ULK4: variants seen among roughly 807,000 people sequenced by gnomAD.
The protein encoded by ULK4 is unc-51 like kinase 4, also known as inactive serine/threonine-protein kinase ULK4.
Under a neutral mutation model 160.6 loss-of-function variants are expected in ULK4, and 133 were observed. That is an observed-to-expected ratio of 0.83 (90% CI 0.72 to 0.96). ULK4 has a LOEUF of 0.96. Among genes scored for constraint, ULK4 ranks in the 40% least tolerant of loss-of-function variants. The pLI, the probability that ULK4 is intolerant of heterozygous loss-of-function variation, is 0.00. For missense variants in ULK4, 1,580 were observed against 1,499.5 expected (o/e 1.05, Z -0.89); for synonymous variants, 534 against 539.8 (o/e 0.99, Z 0.15).
chr3:41,714,130 A>T (rs2037187635), intron 25 of ULK4, among the ~76,000 whole-genome samples: 1 of 152,244 alleles, frequency 6.6e-6, no homozygotes, highest in Admixed American at 6.5e-5. Context: ...AGATGGTGGT[A>T]AATAAAAATT....
At chr3:41,771,241 A>G (rs958451434) in intron 21 of ULK4, among the ~76,000 whole-genome samples, 2 of 152,200 alleles carry the variant, frequency 1.3e-5, no homozygotes, top group African/African-American at 4.8e-5. Context: ...GTAATGTTCA[A>G]AAGTTAATTA....
chr3:41,258,884 A>T (rs2078888269), intron 35 of ULK4, among the ~76,000 whole-genome samples: 1 of 151,846 alleles, frequency 6.6e-6, no homozygotes, highest in South Asian at 2.1e-4. Flanking sequence ...AAAATCATAA[A>T]ATAATTGGGA....
chr3:41,767,427 A>C (rs1250678165), intron 21 of ULK4, among the ~76,000 whole-genome samples: 1 of 152,082 alleles, frequency 6.6e-6, no homozygotes, highest in Non-Finnish European at 1.5e-5. Context: ...TGCTCCCCAC[A>C]CTTCTACTTC....
intron 32 of ULK4, among the ~76,000 whole-genome samples, chr3:41,491,466 G>A (rs2084760880): frequency 6.6e-6 from 1 of 150,890 alleles, no homozygotes; most frequent in Non-Finnish European, 1.5e-5. Flanking sequence ...AAAATGAAAG[G>A]GCAAAAGAGG....
intron 2 of ULK4, among the ~76,000 whole-genome samples, chr3:41,938,682 T>C (rs1454978811): frequency 1.3e-5 from 2 of 151,846 alleles, no homozygotes. Flanking sequence ...ACTCCATCTC[T>C]CAATAAATAA....
intron 22 of ULK4, among the ~76,000 whole-genome samples, chr3:41,727,047 A>G (rs917282257): frequency 2.6e-5 from 4 of 152,080 alleles, no homozygotes; most frequent in African/African-American, 9.7e-5. Context: ...TCTCTGATTC[A>G]TTCCCTCTAA....
chr3:41,378,246 G>T (rs1278284337), intron 35 of ULK4, among the ~76,000 whole-genome samples: 2 of 107,462 alleles, frequency 1.9e-5, no homozygotes, highest in African/African-American at 7.1e-5. Context: ...AGGGGGGAGG[G>T]ATAGCATTGG....
chr3:41,960,655 G>A (rs995689184), intron 1 of ULK4, among the ~76,000 whole-genome samples: 2 of 152,218 alleles, frequency 1.3e-5, no homozygotes, highest in South Asian at 2.1e-4. Context: ...GTGAGCCACC[G>A]CGCCTGGCAC....
chr3:41,946,437 T>A (rs1466606979), intron 2 of ULK4, among the ~76,000 whole-genome samples: 3 of 152,218 alleles, frequency 2.0e-5, no homozygotes, highest in Non-Finnish European at 4.4e-5. Context: ...ATAGACAGAC[T>A]GTTTCTTGAT....
intron 31 of ULK4, among the ~76,000 whole-genome samples, chr3:41,585,394 T>C (rs2125636105): frequency 6.6e-6 from 1 of 152,264 alleles, no homozygotes; most frequent in Admixed American, 6.5e-5. Flanking sequence ...TTTGACAAGT[T>C]GCCAAGCTCA....
intron 32 of ULK4, among the ~76,000 whole-genome samples, chr3:41,481,499 TTAGGA>T (rs2084318722): frequency 6.6e-6 from 1 of 152,194 alleles, no homozygotes; most frequent in East Asian, 1.9e-4. Context: ...AGACCTAGAC[TTAGGA>T]ATGTCCTGAT....
chr3:41,636,311 G>T (rs1385496032), intron 30 of ULK4, among the ~76,000 whole-genome samples: 1 of 152,102 alleles, frequency 6.6e-6, no homozygotes, highest in African/African-American at 2.4e-5. Context: ...GAGGTGGGTG[G>T]ATTACTTGAG....
At chr3:41,912,325 T>C (rs1164305023) in intron 9 of ULK4, among the ~76,000 whole-genome samples, 2 of 125,912 alleles carry the variant, frequency 1.6e-5, no homozygotes, top group Non-Finnish European at 3.2e-5. Flanking sequence ...TGAGACGTTG[T>C]CTCAAAAAAA....
intron 5 of ULK4, among the ~76,000 whole-genome samples, chr3:41,926,220 G>A (rs1312314914): frequency 1.3e-5 from 2 of 152,190 alleles, no homozygotes; most frequent in South Asian, 2.1e-4. Flanking sequence ...GGTCTGGAGT[G>A]CACCTCCAGC....
intron 20 of ULK4, among the ~76,000 whole-genome samples, chr3:41,798,882 A>C (rs965039263): frequency 2.0e-5 from 3 of 152,152 alleles, no homozygotes; most frequent in African/African-American, 4.8e-5. Context: ...GACCAGGAAG[A>C]AGATTTGGAG....
chr3:41,805,147 CTT>C (rs1259935853), intron 19 of ULK4, among the ~76,000 whole-genome samples: 3 of 152,216 alleles, frequency 2.0e-5, no homozygotes, highest in Non-Finnish European at 2.9e-5. Flanking sequence ...TTTGTATCCT[CTT>C]TAATTTCATT....
intron 1 of ULK4, among the ~76,000 whole-genome samples, chr3:41,956,729 C>CCAAG (rs2148848055): frequency 1.3e-5 from 2 of 152,302 alleles, no homozygotes; most frequent in South Asian, 4.1e-4. Context: ...ATACTACTGG[C>CCAAG]TCATAGGCCA....
At chr3:41,901,987 C>A (rs1298232758) in intron 12 of ULK4, among the ~76,000 whole-genome samples, 8 of 151,920 alleles carry the variant, frequency 5.3e-5, no homozygotes, top group African/African-American at 1.9e-4. Context: ...ATCAGTTATT[C>A]CTTTGAGATG....
At chr3:41,769,425 G>A (rs2039276920) in intron 21 of ULK4, among the ~76,000 whole-genome samples, 1 of 152,184 alleles carries the variant, frequency 6.6e-6, no homozygotes, top group African/African-American at 2.4e-5. Context: ...AACCAAAAAT[G>A]ACTTCAGGTC....
Sources: gnomAD v4.1 joint callset for allele counts (sites outside exome capture counted in the v4.1 genomes callset) on GRCh38, gnomAD v4.1.1 for gene constraint, MANE v1.5 for transcripts, NCBI Gene and HGNC (gene_info 2026-07-23, HGNC 2026-07-21) for gene names.